The following SCN8A variants were observed in gnomAD, a reference collection of about 807,000 sequenced individuals.
SCN8A encodes the protein sodium channel protein type 8 subunit alpha.
In SCN8A, 30 loss-of-function variants were observed where a neutral mutation model predicts 184.1. The ratio of observed to expected loss-of-function variants is 0.16; its 90% confidence interval spans 0.12 to 0.22. SCN8A has a LOEUF of 0.22. Among genes scored for constraint, SCN8A ranks in the 10% least tolerant of loss-of-function variants. SCN8A has a pLI of 1.00. For missense variants in SCN8A, 1,057 were observed against 2,498.9 expected, an observed-to-expected ratio of 0.42 and a Z score of 12.30; for synonymous variants, 852 against 907.0, an observed-to-expected ratio of 0.94 and a Z score of 1.09.
chr12:51,677,452 G>A (rs1941241840), intron 2 of SCN8A, among the ~76,000 whole-genome samples: 1 of 152,012 alleles, frequency 6.6e-6, no homozygotes, highest in African/African-American at 2.4e-5. Flanking sequence ...GGATGGGGTG[G>A]AGACATGCTA....
intron 12 of SCN8A, among the ~76,000 whole-genome samples, chr12:51,733,140 A>T (rs190625007): frequency 7.9e-4 from 121 of 152,326 alleles, no homozygotes; most frequent in African/African-American, 2.6e-3. Context: ...TCCAGATCTT[A>T]GAGAAAAGCT....
intron 15 of SCN8A, 31 bp from the exon 16 acceptor site, chr12:51,765,640 A>AT: frequency 1.6e-6 from 2 of 1,282,516 alleles, no homozygotes; most frequent in African/African-American, 3.7e-5. Context: ...AGTATCATTT[A>AT]TTTTTTTGTT....
intron 1 of SCN8A, among the ~76,000 whole-genome samples, chr12:51,631,139 A>T (rs1592340642): frequency 6.6e-6 from 1 of 152,076 alleles, no homozygotes; most frequent in Non-Finnish European, 1.5e-5. Context: ...TGTTCCTTTG[A>T]CTTCTTCCTT....
At chr12:51,591,803 A>G (rs1249895492) in intron 1 of SCN8A, among the ~76,000 whole-genome samples, 2 of 139,766 alleles carry the variant, frequency 1.4e-5, no homozygotes, top group Non-Finnish European at 3.1e-5. Context: ...CCCCTCCCCC[A>G]TGTCTTACTG....
chr12:51,632,170 C>T (rs779873578), intron 1 of SCN8A, among the ~76,000 whole-genome samples: 6 of 152,072 alleles, frequency 3.9e-5, no homozygotes, highest in Non-Finnish European at 7.4e-5. Flanking sequence ...AATTTCTTCT[C>T]AAAAAAGAAA....
chr12:51,645,959 A>AT (rs34006170), intron 1 of SCN8A, among the ~76,000 whole-genome samples: 61,904 of 112,658 alleles, frequency 0.55, 16,054 homozygotes, highest in East Asian at 0.67. Flanking sequence ...TTAAAAAAAA[A>AT]AAAAAATAAT....
At chr12:51,784,071 T>G (rs1938006567) in intron 21 of SCN8A, among the ~76,000 whole-genome samples, 1 of 152,202 alleles carries the variant, frequency 6.6e-6, no homozygotes, top group Non-Finnish European at 1.5e-5. Context: ...CCAGTGGAAA[T>G]TTGAATTATC....
At chr12:51,601,809 C>A (rs2138558765) in intron 1 of SCN8A, among the ~76,000 whole-genome samples, 1 of 148,334 alleles carries the variant, frequency 6.7e-6, no homozygotes, top group South Asian at 2.1e-4. Flanking sequence ...CACTTGGGCT[C>A]TACCCTGGAG....
intron 14 of SCN8A, among the ~76,000 whole-genome samples, chr12:51,758,083 C>T (rs138554205): frequency 1.1e-3 from 161 of 152,248 alleles, no homozygotes; most frequent in Non-Finnish European, 1.8e-3. Flanking sequence ...AATTTGATGC[C>T]GAAGTGCTCC....
At chr12:51,795,770 G>A (rs1345178522) in intron 26 of SCN8A, among the ~76,000 whole-genome samples, 2 of 152,058 alleles carry the variant, frequency 1.3e-5, no homozygotes, top group Non-Finnish European at 2.9e-5. Context: ...TCTGGGCCGG[G>A]TGCAGTGGCG....
At chr12:51,667,182 T>G (rs1941048503) in intron 2 of SCN8A, among the ~76,000 whole-genome samples, 1 of 152,178 alleles carries the variant, frequency 6.6e-6, no homozygotes, top group African/African-American at 2.4e-5. Context: ...ATCTGTCTAT[T>G]TCCTATCTCC....
chr12:51,733,766 A>G (rs1273590606), intron 12 of SCN8A, among the ~76,000 whole-genome samples: 1 of 152,114 alleles, frequency 6.6e-6, no homozygotes, highest in African/African-American at 2.4e-5. Flanking sequence ...TGGTCTGTTC[A>G]GGTTTTGGAT....
At chr12:51,633,009 C>G (rs118051447) in intron 1 of SCN8A, among the ~76,000 whole-genome samples, 4,499 of 152,236 alleles carry the variant, frequency 0.03, 105 homozygotes, top group Non-Finnish European at 0.044. Flanking sequence ...ACAACATCTG[C>G]CTGCTCTGGG....
At chr12:51,642,571 T>C (rs1940478746) in intron 1 of SCN8A, among the ~76,000 whole-genome samples, 1 of 152,188 alleles carries the variant, frequency 6.6e-6, no homozygotes, top group Non-Finnish European at 1.5e-5. Context: ...CACAATGGAT[T>C]GTTGCTGCCA....
At chr12:51,752,623 C>G (rs993018516) in intron 14 of SCN8A, among the ~76,000 whole-genome samples, 1 of 152,114 alleles carries the variant, frequency 6.6e-6, no homozygotes, top group African/African-American at 2.4e-5. Context: ...GTGACATGCT[C>G]CAGGCTCTCT....
rs571427659 is a variant in SCN8A, at chr12:51,757,541, C to A, written c.2371-4962C>A. 1.4e-4 allele frequency among the ~76,000 whole-genome samples: 21 copies of A among 152,242 alleles called. No homozygotes were observed. The South Asian group carries it at 4.3e-3, about 32-fold the overall frequency. Reference sequence around the variant, plus strand: ...GACTTCTCCCCAGACCCCATAGTGACGCCAAAGTGAAATATACCCCAATCT... The same window carrying A: ...GACTTCTCCCCAGACCCCATAGTGAAGCCAAAGTGAAATATACCCCAATCT... On this transcript the variant is annotated intron_variant, in intron 14 of 26. Transcript: ENST00000627620.
chr12:51,778,762 A>G (rs1937792276), intron 20 of SCN8A, among the ~76,000 whole-genome samples: 1 of 152,182 alleles, frequency 6.6e-6, no homozygotes, highest in Non-Finnish European at 1.5e-5. Context: ...AATGAAACTA[A>G]TTTGTAGATT....
At chr12:51,663,522 T>A (rs1267138307) in intron 2 of SCN8A, among the ~76,000 whole-genome samples, 1 of 152,136 alleles carries the variant, frequency 6.6e-6, no homozygotes, top group Non-Finnish European at 1.5e-5. Flanking sequence ...CTAGCTCCCT[T>A]TGTGACATTA....
Position 51,810,351 on chromosome 12 carries a change from G to C in SCN8A, c.*2922G>C, listed in dbSNP as rs1938850183. 1 of 390,116 alleles carries C rather than the reference G, an allele frequency of 2.6e-6. No individual in the cohort carries two copies. Among genetic ancestry groups the C allele is most frequent in the Admixed American group, 2.9e-5 (1 of 34,788 alleles). 24.2% of individuals were successfully genotyped at this position (390,116 alleles called of 1,614,324 possible). On this transcript the variant is annotated 3_prime_UTR_variant, in exon 27 of 27. Transcript: ENST00000627620. ...CACCCATCCTGCTCCACACTTCTTT[G>C]GTAGTAAATGACACCATCACCAGCA... is the stretch of plus-strand genomic sequence containing the variant.
Sources: allele counts gnomAD v4.1 joint callset (sites outside exome capture counted in the v4.1 genomes callset), GRCh38; gene constraint gnomAD v4.1.1; transcripts MANE v1.5; gene names NCBI Gene and HGNC (gene_info 2026-07-23, HGNC 2026-07-21).